The following REDIC1 variants were observed in gnomAD, a reference collection of about 807,000 sequenced individuals.
REDIC1 encodes regulator of DNA class I crossover intermediates 1.
the REDIC1 span, among the ~76,000 whole-genome samples, chr12:39,899,432 C>T: frequency 6.6e-6 from 1 of 152,122 alleles, no homozygotes. Flanking sequence ...AAAAAACCAG[C>T]TCCTGGATTC....
chr12:39,653,198 C>G, the REDIC1 span, among the ~76,000 whole-genome samples: 1 of 151,956 alleles, frequency 6.6e-6, no homozygotes, highest in Non-Finnish European at 1.5e-5. Flanking sequence ...CTTTCATCTT[C>G]TTTAATTTCT....
chr12:39,893,946 TTAG>T, the REDIC1 span, among the ~76,000 whole-genome samples: 1 of 152,200 alleles, frequency 6.6e-6, no homozygotes, highest in South Asian at 2.1e-4. Context: ...AATTAACGTG[TTAG>T]TAGGAAGTAA....
the REDIC1 span, among the ~76,000 whole-genome samples, chr12:39,885,871 T>G: frequency 2.0e-5 from 3 of 152,314 alleles, no homozygotes; most frequent in East Asian, 3.9e-4. Context: ...TCTGATTCAT[T>G]TCAAGAGATT....
At chr12:39,694,332 G>A in the REDIC1 span, among the ~76,000 whole-genome samples, 1 of 152,084 alleles carries the variant, frequency 6.6e-6, no homozygotes, top group African/African-American at 2.4e-5. Flanking sequence ...ACTGAAAGAG[G>A]CACTGAACAG....
the REDIC1 span, among the ~76,000 whole-genome samples, chr12:39,849,835 T>C: frequency 2.0e-5 from 3 of 152,210 alleles, no homozygotes; most frequent in African/African-American, 7.2e-5. Context: ...TTTTGCATTA[T>C]ATGGCTACTC....
chr12:39,899,392 T>C, the REDIC1 span, among the ~76,000 whole-genome samples: 3 of 152,202 alleles, frequency 2.0e-5, no homozygotes, highest in African/African-American at 7.2e-5. Flanking sequence ...TTAGTCTTGC[T>C]AGCGGTCTAT....
the REDIC1 span, among the ~76,000 whole-genome samples, chr12:39,636,780 C>G: frequency 1.3e-5 from 2 of 152,064 alleles, no homozygotes; most frequent in East Asian, 3.9e-4. Flanking sequence ...CAAGTTAATA[C>G]TGACAGTATA....
the REDIC1 span, among the ~76,000 whole-genome samples, chr12:39,896,078 G>A: frequency 1.5e-3 from 8 of 5,460 alleles, no homozygotes; most frequent in South Asian, 0.07. Flanking sequence ...ATGTATACAC[G>A]TGTACATATA....
At chr12:39,786,568 G>C in the REDIC1 span, among the ~76,000 whole-genome samples, 3 of 152,178 alleles carry the variant, frequency 2.0e-5, no homozygotes, top group Admixed American at 2.0e-4. Flanking sequence ...TTCTAAGCAG[G>C]CCCTTGCATA....
the REDIC1 span, among the ~76,000 whole-genome samples, chr12:39,720,461 A>G: frequency 4.5e-4 from 69 of 152,074 alleles, 1 homozygote; most frequent in Admixed American, 3.9e-4. Flanking sequence ...TTCTGTTGAA[A>G]GGGTAGAGAG....
chr12:39,907,445 A>G, the REDIC1 span, among the ~76,000 whole-genome samples: 1 of 152,184 alleles, frequency 6.6e-6, no homozygotes, highest in Admixed American at 6.6e-5. Flanking sequence ...GCACTCAAGA[A>G]GAGTTTTCTA....
chr12:39,827,523 C>T, the REDIC1 span, among the ~76,000 whole-genome samples: 1 of 152,276 alleles, frequency 6.6e-6, no homozygotes, highest in Admixed American at 6.5e-5. Flanking sequence ...GGGCTCACCA[C>T]TTACACTCTT....
the REDIC1 span, chr12:39,626,307 A>C: frequency 3.1e-6 from 5 of 1,613,302 alleles, no homozygotes; most frequent in South Asian, 4.4e-5. Flanking sequence ...CTCTAGACAC[A>C]GGGACCTCAG....
the REDIC1 span, among the ~76,000 whole-genome samples, chr12:39,737,357 A>T: frequency 1.1e-4 from 17 of 152,232 alleles, no homozygotes; most frequent in Non-Finnish European, 1.8e-4. Flanking sequence ...CTTTCACTTC[A>T]TCTCCACTTC....
At chr12:39,855,163 C>T in the REDIC1 span, among the ~76,000 whole-genome samples, 7 of 152,072 alleles carry the variant, frequency 4.6e-5, no homozygotes, top group East Asian at 1.9e-4. Flanking sequence ...ATTAGACTTG[C>T]GGCTATATTT....
the REDIC1 span, chr12:39,746,149 T>C: frequency 0.96 from 146,321 of 152,352 alleles, 70,302 homozygotes; most frequent in East Asian, 1. Context: ...CTGCCTCACC[T>C]GGGAAGCGCA....
the REDIC1 span, among the ~76,000 whole-genome samples, chr12:39,698,961 A>T: frequency 6.6e-6 from 1 of 152,322 alleles, no homozygotes; most frequent in South Asian, 2.1e-4. Flanking sequence ...CAAACCCAAA[A>T]TTAGTAGCAG....
At chr12:39,693,416 A>AT in the REDIC1 span, among the ~76,000 whole-genome samples, 4,791 of 140,010 alleles carry the variant, frequency 0.034, 73 homozygotes, top group East Asian at 0.078. Context: ...CAACATGAGT[A>AT]TTTTTTTTTT....
At chr12:39,731,584 T>A in the REDIC1 span, among the ~76,000 whole-genome samples, 1 of 152,162 alleles carries the variant, frequency 6.6e-6, no homozygotes, top group Non-Finnish European at 1.5e-5. Flanking sequence ...GTGGTGTCTG[T>A]CAACCCCTGC....
Sources: gnomAD v4.1 joint callset for allele counts (sites outside exome capture counted in the v4.1 genomes callset) on GRCh38, gnomAD v4.1.1 for gene constraint, MANE v1.5 for transcripts, NCBI Gene and HGNC (gene_info 2026-07-23, HGNC 2026-07-21) for gene names.